The following SLC2A12 variants were observed in gnomAD, a reference collection of about 807,000 sequenced individuals.
SLC2A12 encodes the protein solute carrier family 2, facilitated glucose transporter member 12.
Under a neutral mutation model 41.8 loss-of-function variants are expected in SLC2A12, and 23 were observed. The observed-to-expected ratio is 0.55, with a 90% CI of 0.40 to 0.78. SLC2A12 has a LOEUF of 0.78. Among genes scored for constraint, SLC2A12 ranks in the 30% least tolerant of loss-of-function variants. SLC2A12 has a pLI of 0.00. For missense variants in SLC2A12, 654 were observed against 745.6 expected, an observed-to-expected ratio of 0.88 and a Z score of 1.43; for synonymous variants, 295 against 285.9, an observed-to-expected ratio of 1.03 and a Z score of -0.32.
At chr6:134,007,156 C>T (rs1220630035) in intron 2 of SLC2A12, among the ~76,000 whole-genome samples, 1 of 152,216 alleles carries the variant, frequency 6.6e-6, no homozygotes, top group Non-Finnish European at 1.5e-5. Context: ...AGAGCTGGGC[C>T]ATGGTCCCCA....
chr6:134,003,400 A>T (rs976866355), intron 3 of SLC2A12, among the ~76,000 whole-genome samples: 3 of 152,286 alleles, frequency 2.0e-5, no homozygotes, highest in East Asian at 1.9e-4. Context: ...CTGTCTCATC[A>T]AATTGTCCCC....
chr6:133,992,677 CGAA>C (rs1451004039), intron 4 of SLC2A12, among the ~76,000 whole-genome samples: 1 of 151,890 alleles, frequency 6.6e-6, no homozygotes, highest in Non-Finnish European at 1.5e-5. Context: ...AGGGGAAATG[CGAA>C]GAAGTGGCCT....
rs1387263063 is a variant in SLC2A12 at position 133,987,972 on chromosome 6, C to T, written c.*3183G>A. The T allele has an allele frequency of 1.3e-5, 2 of 152,058 alleles. No individual in the cohort carries two copies. Among genetic ancestry groups the T allele is most frequent in the Admixed American group, 1.3e-4 (2 of 15,250 alleles). The allele number at this position is 152,058 out of a possible 1,614,324, so 9.4% of individuals were successfully genotyped here. On this transcript the variant is annotated 3_prime_UTR_variant, in exon 5 of 5. Transcript: ENST00000275230. ...TTTGTTTTTCTGGAAAGACTCAACA[C>T]CTGTAGTTGTAGAGAAGTGATTGAG...
intron 3 of SLC2A12, among the ~76,000 whole-genome samples, chr6:134,003,172 A>G (rs185943509): frequency 2.0e-5 from 3 of 152,278 alleles, no homozygotes; most frequent in East Asian, 3.9e-4. Context: ...CATAGTAACT[A>G]CTTGTCGGTG....
chr6:134,007,403 T>C (rs757151252), intron 2 of SLC2A12, among the ~76,000 whole-genome samples: 5 of 152,050 alleles, frequency 3.3e-5, no homozygotes, highest in Non-Finnish European at 7.4e-5. Flanking sequence ...AATGAGTGGG[T>C]AGGAAATGGA....
chr6:134,043,011 C>T (rs1777404073), intron 1 of SLC2A12, among the ~76,000 whole-genome samples: 1 of 151,732 alleles, frequency 6.6e-6, no homozygotes, highest in South Asian at 2.1e-4. Flanking sequence ...ACCAAACACA[C>T]ACACACACCC....
chr6:134,008,158 C>T (rs551679293), intron 2 of SLC2A12, among the ~76,000 whole-genome samples: 145 of 152,240 alleles, frequency 9.5e-4, no homozygotes, highest in African/African-American at 3.3e-3. Context: ...AAACTAGAAG[C>T]CAGGGAGAGG....
At chr6:133,997,085 C>CAAAGAAAAA (rs1776705155) in intron 4 of SLC2A12, among the ~76,000 whole-genome samples, 1 of 70,716 alleles carries the variant, frequency 1.4e-5, no homozygotes, top group African/African-American at 5.5e-5. Flanking sequence ...ACTAAAAATA[C>CAAAGAAAAA]AAAAAAAAAA....
rs138603273 is a variant in SLC2A12 at position 134,029,227 on chromosome 6, A to G, written c.598T>C (p.Phe200Leu). 10 of 1,614,078 alleles carry G rather than the reference A, an allele frequency of 6.2e-6. No homozygotes were observed. The highest frequency in any genetic ancestry group is 3.3e-5 in the Admixed American group (2 of 60,010). Residue 200 changes from phenylalanine (F) to leucine (L), a missense_variant, in exon 2 of 5, where the codon TTT (phenylalanine) becomes CTT (leucine). Phe to Leu is a conservative substitution (Grantham distance 22). Transcript: ENST00000275230. ...ANVFHGWKYM[F>L]GLVIPLGVLQ... ...ACTCCCAAGGGAATCACAAGACCAA[A>G]CATGTACTTCCAGCCATGGAAAACA... is the stretch of plus-strand genomic sequence containing the variant.
chr6:134,013,089 G>GT (rs1776909417), intron 2 of SLC2A12, among the ~76,000 whole-genome samples: 1 of 152,012 alleles, frequency 6.6e-6, no homozygotes, highest in Non-Finnish European at 1.5e-5. Flanking sequence ...TTTTAAGCTG[G>GT]AAAGTCTTTT....
rs755484948 is a variant in SLC2A12, at chr6:134,028,802, G to T, written c.1023C>A (p.Val341=). Residue 341 remains valine (V), a synonymous_variant, in exon 2 of 5, where the codon GTC becomes GTA. Coordinates refer to ENST00000275230, the MANE Select transcript of SLC2A12 (RefSeq NM_145176.3). ...TIPATLLVDH[V]GSKTFLCIGS... ...CAATGCAGAGGAATGTTTTGCTGCC[G>T]ACATGGTCTACAAGAAGAGTGGCAG... The T allele has an allele frequency of 1.2e-6, 2 of 1,614,062 alleles. No individual in the cohort carries two copies. Among genetic ancestry groups the T allele is most frequent in the Admixed American group, 1.7e-5 (1 of 59,996 alleles).
chr6:133,994,707 G>A (rs894532896), intron 4 of SLC2A12, among the ~76,000 whole-genome samples: 4 of 152,132 alleles, frequency 2.6e-5, no homozygotes, highest in Admixed American at 1.3e-4. Context: ...GCGACAGAGC[G>A]AGACTCCATC....
At position 134,006,176 on chromosome 6, in the gene SLC2A12, G is replaced by GAAAAAAAAAAAAA. The variant is rs1182572567; in HGVS notation, c.1567+623_1567+635dup. Among the ~76,000 whole-genome samples the GAAAAAAAAAAAAA allele has an allele frequency of 7.3e-4, 45 of 61,760 alleles. 2 individuals carry two copies. The highest frequency in any genetic ancestry group is 1.3e-3 in the Admixed American group (6 of 4,522). The allele number at this position is 61,760 out of a possible 152,430, so 40.5% of individuals were successfully genotyped here. The stretch of plus-strand genomic sequence containing the variant: ...CCTGGGCAACAGAGAGAGACTATCG[G>GAAAAAAAAAAAAA]AAAAAAAAAAAAAAAACAAAAAAAA... On this transcript the variant is annotated intron_variant, in intron 3 of 4. Coordinates refer to ENST00000275230, the MANE Select transcript of SLC2A12 (RefSeq NM_145176.3).
intron 1 of SLC2A12, among the ~76,000 whole-genome samples, chr6:134,048,597 A>T (rs1164126466): frequency 6.6e-6 from 1 of 152,132 alleles, no homozygotes; most frequent in Admixed American, 6.6e-5. Flanking sequence ...ACAACAAAAA[A>T]ACCTGTTATT....
chr6:134,051,048 G>A (rs1773676196), intron 1 of SLC2A12, among the ~76,000 whole-genome samples: 1 of 152,138 alleles, frequency 6.6e-6, no homozygotes, highest in South Asian at 2.1e-4. Flanking sequence ...CTGAGTAGCT[G>A]AGATTACAGG....
At chr6:134,024,609 T>A (rs1183237537) in intron 2 of SLC2A12, among the ~76,000 whole-genome samples, 1 of 152,210 alleles carries the variant, frequency 6.6e-6, no homozygotes, top group African/African-American at 2.4e-5. Context: ...AATCTCCCTT[T>A]AGTTGACTGC....
chr6:134,029,419 C>T lies in SLC2A12; in HGVS notation c.406G>A (p.Gly136Arg). 6.2e-7 allele frequency: 1 copy of T among 1,614,058 alleles called. No individual in the cohort carries two copies. The highest frequency in any genetic ancestry group is 8.5e-7 in the Non-Finnish European group (1 of 1,180,020). Residue 136 changes from glycine to arginine, a missense_variant, in exon 2 of 5, where the codon GGA (glycine) becomes AGA (arginine). Gly to Arg is a moderately radical substitution (Grantham distance 125). Coordinates refer to ENST00000275230, the MANE Select transcript of SLC2A12 (RefSeq NM_145176.3). ...LSLSYTVLIV[G>R]RIAIGVSISL... The stretch of plus-strand genomic sequence containing the variant: ...ATGGAGACCCCTATGGCAATGCGTC[C>T]CACTATAAGAACCGTGTAGGATAAA...
intron 3 of SLC2A12, among the ~76,000 whole-genome samples, chr6:134,006,176 GA>G (rs1182572567): frequency 0.029 from 1,810 of 61,756 alleles, 43 homozygotes; most frequent in African/African-American, 0.093. Context: ...GAGACTATCG[GA>G]AAAAAAAAAA....
intron 1 of SLC2A12, among the ~76,000 whole-genome samples, chr6:134,041,109 G>A (rs892437943): frequency 1.3e-5 from 2 of 152,106 alleles, no homozygotes; most frequent in Non-Finnish European, 2.9e-5. Context: ...AAATGAGGGA[G>A]ATCATTCCTG....
Sources: allele counts gnomAD v4.1 joint callset (sites outside exome capture counted in the v4.1 genomes callset), GRCh38; gene constraint gnomAD v4.1.1; transcripts MANE v1.5; gene names NCBI Gene and HGNC (gene_info 2026-07-23, HGNC 2026-07-21).